The following ARFGEF3 variants were observed in gnomAD, a reference collection of about 807,000 sequenced individuals.
ARFGEF3 encodes ARFGEF family member 3, also known as brefeldin A-inhibited guanine nucleotide-exchange protein 3.
A neutral mutation model predicts 221.7 loss-of-function variants in ARFGEF3; 96 were observed. The ratio of observed to expected loss-of-function variants is 0.43; its 90% confidence interval spans 0.37 to 0.51. The LOEUF (loss-of-function observed/expected upper bound fraction) is 0.51, where lower values mean the gene tolerates loss of function less well. Ranked by LOEUF, ARFGEF3 falls within the 20% of genes least tolerant of loss-of-function variation. The pLI is 0.00. For missense variants in ARFGEF3, 2,410 were observed against 2,789.9 expected, an observed-to-expected ratio of 0.86 and a Z score of 3.07; for synonymous variants, 1,145 against 1,126.8, an observed-to-expected ratio of 1.02 and a Z score of -0.32.
At chr6:138,278,210 C>A (rs181254043) in intron 12 of ARFGEF3, among the ~76,000 whole-genome samples, 2 of 152,324 alleles carry the variant, frequency 1.3e-5, no homozygotes, top group East Asian at 3.9e-4. Context: ...TATCAAAGTT[C>A]TAGCTGCTAA....
At chr6:138,198,936 A>AT (rs1026300002) in intron 2 of ARFGEF3, among the ~76,000 whole-genome samples, 5 of 152,166 alleles carry the variant, frequency 3.3e-5, no homozygotes, top group Non-Finnish European at 5.9e-5. Context: ...GAGGACATAG[A>AT]TTTTCAAAAC....
chr6:138,246,680 A>G (rs978640326), intron 8 of ARFGEF3, among the ~76,000 whole-genome samples: 1 of 152,216 alleles, frequency 6.6e-6, no homozygotes, highest in African/African-American at 2.4e-5. Flanking sequence ...AAATAGTGGT[A>G]CCAGGGTTGG....
intron 22 of ARFGEF3, among the ~76,000 whole-genome samples, chr6:138,304,227 G>A (rs113415505): frequency 1.1e-4 from 17 of 152,236 alleles, no homozygotes; most frequent in African/African-American, 2.6e-4. Flanking sequence ...TACATTAAAT[G>A]AGAAAAGCCA....
At chr6:138,270,130 C>A (rs1261988449) in intron 12 of ARFGEF3, among the ~76,000 whole-genome samples, 1 of 152,132 alleles carries the variant, frequency 6.6e-6, no homozygotes, top group African/African-American at 2.4e-5. Context: ...CACACAACAA[C>A]CTCAAGTTCA....
In ARFGEF3 at chr6:138,334,265, T is replaced by C. The variant is rs770326384; in HGVS notation, c.5419T>C (p.Tyr1807His). 15 of 1,613,482 alleles carry C rather than the reference T, an allele frequency of 9.3e-6. No homozygotes were observed. The highest frequency in any genetic ancestry group is 1.3e-5 in the Non-Finnish European group (15 of 1,179,784). Residue 1807 changes from tyrosine to histidine, a missense_variant, in exon 33 of 34, where the codon TAC becomes CAC. Physicochemically the swap from Tyr to His is moderately conservative, Grantham distance 83 (BLOSUM62 2). Coordinates refer to ENST00000251691, the MANE Select transcript of ARFGEF3 (RefSeq NM_020340.5). The surrounding 1 kb of genome is among the most constrained non-coding windows in gnomAD (Gnocchi z 5.1). ...TGGCATCGGGGGCGCCGCCAACCTC[T>C]ACCGCCAGTCTGCGATGAGCTTTAA... is the stretch of plus-strand genomic sequence containing the variant. The part of the protein sequence containing the change: ...VSGIGGAANL[Y>H]RQSAMSFNIY...
chr6:138,272,795 T>G (rs1398878435), intron 12 of ARFGEF3, among the ~76,000 whole-genome samples: 4 of 152,366 alleles, frequency 2.6e-5, no homozygotes, highest in Non-Finnish European at 5.9e-5. Context: ...AGAGTGCTCT[T>G]GTGCACAGTT....
chr6:138,336,482 T>G lies in ARFGEF3; in HGVS notation c.6530T>G (p.Val2177Gly). Reference sequence around the variant, plus strand: ...GTGGGCCGTGTCTATGACATCATTGTGTAGCCGACTCCTGTTCTACTCTCC... The same window carrying G: ...GTGGGCCGTGTCTATGACATCATTGGGTAGCCGACTCCTGTTCTACTCTCC... ...GRVGRVYDIIV is the reference protein window; with the variant it reads ...GRVGRVYDIIG The change falls in exon 34 of 34, where the codon GTG becomes GGG. Residue 2177 changes from valine (V) to glycine (G), a missense_variant. Physicochemically the swap from Val to Gly is moderately radical, Grantham distance 109. This residue lies in a region of ARFGEF3 where 339 missense variants were observed against 334.9 expected (regional missense o/e 1.01). Transcript: ENST00000251691. 1.2e-6 allele frequency: 2 copies of G among 1,603,804 alleles called. No individual in the cohort carries two copies. Among genetic ancestry groups the G allele is most frequent in the South Asian group, 1.1e-5 (1 of 88,932 alleles).
intron 29 of ARFGEF3, 136 bp downstream of exon 29, chr6:138,321,361 C>CTGACTA (rs1554209404): frequency 1.7e-6 from 1 of 598,646 alleles, no homozygotes; most frequent in African/African-American, 1.9e-5. Context: ...TTAAAAATGA[C>CTGACTA]TGTGCTAATA....
chr6:138,308,603 TA>T (rs1341893471), intron 23 of ARFGEF3, 135 bp from the exon 24 acceptor site: 2 of 953,010 alleles, frequency 2.1e-6, no homozygotes, highest in Non-Finnish European at 3.2e-6. Flanking sequence ...AATGGCCCAA[TA>T]AAAAACCCAG....
Position 138,343,574 on chromosome 6 carries a change from A to G in ARFGEF3, c.*7088A>G, listed in dbSNP as rs1780467063. On this transcript the variant is annotated 3_prime_UTR_variant, in exon 34 of 34. Transcript: ENST00000251691. Reference sequence around the variant, plus strand: ...TAAATTTCAAAAGTCAATCTCTAAGAGTAATTTATTTTTGTTTTACCAACC... The same window carrying G: ...TAAATTTCAAAAGTCAATCTCTAAGGGTAATTTATTTTTGTTTTACCAACC... 1 of 152,036 alleles carries G rather than the reference A, an allele frequency of 6.6e-6. No homozygotes were observed. Among genetic ancestry groups the G allele is most frequent in the African/African-American group, 2.4e-5 (1 of 41,398 alleles). 9.4% of individuals were successfully genotyped at this position (152,036 alleles called of 1,614,324 possible). A position where few individuals can be genotyped will look rare whatever the true frequency, so the allele number is the denominator to read the frequency against.
chr6:138,300,836 C>T (rs1779616821), intron 22 of ARFGEF3, among the ~76,000 whole-genome samples: 1 of 152,110 alleles, frequency 6.6e-6, no homozygotes, highest in African/African-American at 2.4e-5. Flanking sequence ...AGAAAATAAA[C>T]CCAACTTCAA....
chr6:138,294,168 AGGAAACAGCC>A, intron 20 of ARFGEF3, 42 bp downstream of exon 20: 1 of 1,603,326 alleles, frequency 6.2e-7, no homozygotes, highest in African/African-American at 1.3e-5. Context: ...GGAAGTTAGC[AGGAAACAGCC>A]CAGGCCTCTA....
At chr6:138,213,996 T>G (rs939748483) in intron 4 of ARFGEF3, among the ~76,000 whole-genome samples, 1 of 152,164 alleles carries the variant, frequency 6.6e-6, no homozygotes, top group African/African-American at 2.4e-5. Flanking sequence ...GGTATAGAGA[T>G]TGGTTCACAG....
chr6:138,301,929 C>T (rs765459057), intron 22 of ARFGEF3, among the ~76,000 whole-genome samples: 33 of 152,064 alleles, frequency 2.2e-4, no homozygotes, highest in African/African-American at 7.2e-4. Flanking sequence ...GACACATGAG[C>T]GCCATGGGAA....
At chr6:138,225,996 G>A (rs1171275610) in intron 4 of ARFGEF3, among the ~76,000 whole-genome samples, 1 of 152,168 alleles carries the variant, frequency 6.6e-6, no homozygotes, top group Non-Finnish European at 1.5e-5. Context: ...AAGGGCTAGA[G>A]GACATAGACA....
chr6:138,184,213 T>C (rs1204707088), intron 2 of ARFGEF3, among the ~76,000 whole-genome samples: 3 of 152,162 alleles, frequency 2.0e-5, no homozygotes, highest in Non-Finnish European at 4.4e-5. Context: ...TTAATATAAA[T>C]GATATAATTT....
In ARFGEF3 at chr6:138,217,786, A is replaced by G. The variant is rs1777898776; in HGVS notation, c.351+7745A>G. 1.0e-5 allele frequency: 7 copies of G among 691,770 alleles called. No homozygotes were observed. The South Asian group carries it at 1.2e-4, about 12-fold the overall frequency. The allele number at this position is 691,770 out of a possible 1,614,324, so 42.9% of individuals were successfully genotyped here. On this transcript the variant is annotated intron_variant, in intron 4 of 33. Coordinates refer to ENST00000251691, the MANE Select transcript of ARFGEF3 (RefSeq NM_020340.5). ...AAATTGAGATAATAGATAATAATCT[A>G]TGAGTTCAAGATTGAGAAAGATCAA...
intron 2 of ARFGEF3, among the ~76,000 whole-genome samples, chr6:138,199,411 C>T (rs1777491975): frequency 6.6e-6 from 1 of 152,130 alleles, no homozygotes; most frequent in African/African-American, 2.4e-5. Context: ...CCTCTTCTCA[C>T]CCAGAGCATC....
chr6:138,292,117 G>A, intron 19 of ARFGEF3, 64 bp downstream of exon 19: 1 of 1,325,336 alleles, frequency 7.5e-7, no homozygotes, highest in Non-Finnish European at 9.8e-7. Context: ...ACATCCATCT[G>A]GTTTCAGTCA....
Sources: allele counts gnomAD v4.1 joint callset (sites outside exome capture counted in the v4.1 genomes callset), GRCh38; gene constraint gnomAD v4.1.1; regional missense constraint gnomAD v4.1.1; non-coding constraint Gnocchi (gnomAD v3.1); transcripts MANE v1.5; gene names NCBI Gene and HGNC (gene_info 2026-07-23, HGNC 2026-07-21).